The following RARB variants were observed in gnomAD, a reference collection of about 807,000 sequenced individuals.
RARB encodes the protein retinoic acid receptor beta.
In RARB, 17 loss-of-function variants were observed where a neutral mutation model predicts 51.9. The observed-to-expected ratio is 0.33, with a 90% CI of 0.22 to 0.49. RARB has a LOEUF of 0.49. Among genes scored for constraint, RARB ranks in the 20% least tolerant of loss-of-function variants. RARB has a pLI of 0.99. For missense variants in RARB, 369 were observed against 550.8 expected, an observed-to-expected ratio of 0.67 and a Z score of 3.30; for synonymous variants, 215 against 195.4, an observed-to-expected ratio of 1.10 and a Z score of -0.84.
chr3:24,963,371 T>C (rs924813790), intron 2 of RARB, among the ~76,000 whole-genome samples: 4 of 149,956 alleles, frequency 2.7e-5, no homozygotes, highest in African/African-American at 9.8e-5. Flanking sequence ...TTGTCCTTGG[T>C]CAGCTGTGCT....
chr3:25,029,958 G>A (rs1603999), intron 2 of RARB, among the ~76,000 whole-genome samples: 99,597 of 152,034 alleles, frequency 0.66, 33,119 homozygotes, highest in East Asian at 0.87. Flanking sequence ...ATTTGGGGAC[G>A]TATGGAATAT....
At chr3:25,247,614 C>A (rs1449363541) in intron 5 of RARB, among the ~76,000 whole-genome samples, 4 of 152,186 alleles carry the variant, frequency 2.6e-5, no homozygotes, top group Admixed American at 6.5e-5. Flanking sequence ...TGAGGCAATG[C>A]CCCACCCTGC....
intron 1 of RARB, among the ~76,000 whole-genome samples, chr3:24,842,437 G>C (rs1702431182): frequency 6.6e-6 from 1 of 152,100 alleles, no homozygotes; most frequent in African/African-American, 2.4e-5. Flanking sequence ...GATTTTGTGA[G>C]GAATTTGATT....
chr3:25,248,491 C>A (rs1046905221), intron 5 of RARB, among the ~76,000 whole-genome samples: 1 of 152,068 alleles, frequency 6.6e-6, no homozygotes, highest in Non-Finnish European at 1.5e-5. Context: ...GTAGTTGTAA[C>A]CATTGGACCC....
intron 3 of RARB, among the ~76,000 whole-genome samples, chr3:25,078,654 A>G (rs1413134633): frequency 1.3e-5 from 2 of 151,132 alleles, no homozygotes; most frequent in African/African-American, 4.9e-5. Context: ...CTCCTGCCTC[A>G]CCCAGTAGCT....
chr3:24,952,061 C>A (rs761925970), intron 2 of RARB, among the ~76,000 whole-genome samples: 7 of 152,120 alleles, frequency 4.6e-5, no homozygotes, highest in Non-Finnish European at 1.0e-4. Flanking sequence ...TAGCTTTCTC[C>A]ATAACTTTTC....
intron 3 of RARB, among the ~76,000 whole-genome samples, chr3:25,071,842 G>A (rs1427382715): frequency 6.6e-6 from 1 of 152,160 alleles, no homozygotes; most frequent in Non-Finnish European, 1.5e-5. Flanking sequence ...TTATTGTCAT[G>A]CTGTTGTCAA....
intron 5 of RARB, among the ~76,000 whole-genome samples, chr3:25,187,936 C>A (rs1701014686): frequency 6.6e-6 from 1 of 151,992 alleles, no homozygotes; most frequent in Non-Finnish European, 1.5e-5. Context: ...CTGAAGACAA[C>A]CTTCCTGGCT....
chr3:25,461,536 C>G (rs921654412), intron 2 of RARB, among the ~76,000 whole-genome samples, 195 bp downstream of exon 2: 1 of 152,218 alleles, frequency 6.6e-6, no homozygotes, highest in Non-Finnish European at 1.5e-5. Context: ...CTGCAAATGA[C>G]TGATGAGGGT....
At chr3:24,902,661 GTCTC>G (rs930118740) in intron 2 of RARB, among the ~76,000 whole-genome samples, 2 of 151,828 alleles carry the variant, frequency 1.3e-5, no homozygotes, top group Admixed American at 6.6e-5. Context: ...TCTGGTCTCT[GTCTC>G]TCTTTCTGTT....
At chr3:24,988,197 A>G (rs1254826754) in intron 2 of RARB, among the ~76,000 whole-genome samples, 1 of 152,194 alleles carries the variant, frequency 6.6e-6, no homozygotes, top group African/African-American at 2.4e-5. Context: ...ATATTGTTGT[A>G]TATGTAAATA....
At chr3:25,348,855 G>A (rs569396943) in intron 5 of RARB, among the ~76,000 whole-genome samples, 11 of 152,298 alleles carry the variant, frequency 7.2e-5, no homozygotes, top group African/African-American at 2.6e-4. Context: ...TCGGTCTGGG[G>A]TAGGACCCAA....
At chr3:24,902,214 C>G (rs372665780) in intron 2 of RARB, among the ~76,000 whole-genome samples, 24 of 152,142 alleles carry the variant, frequency 1.6e-4, no homozygotes, top group East Asian at 1.3e-3. Context: ...CACAGACTTA[C>G]GTGTCCCTAG....
chr3:25,512,119 A>G (rs926555719), intron 3 of RARB, among the ~76,000 whole-genome samples: 1 of 152,166 alleles, frequency 6.6e-6, no homozygotes, highest in Non-Finnish European at 1.5e-5. Flanking sequence ...AAGGAAATGA[A>G]TTAATACATG....
chr3:25,225,568 AT>A (rs1702039052), intron 5 of RARB, among the ~76,000 whole-genome samples: 1 of 152,192 alleles, frequency 6.6e-6, no homozygotes, highest in African/African-American at 2.4e-5. Context: ...ATATACCATA[AT>A]AAAAATGTTA....
intron 3 of RARB, among the ~76,000 whole-genome samples, chr3:25,555,128 G>GTGAA (rs146848147): frequency 0.027 from 4,104 of 152,208 alleles, 190 homozygotes; most frequent in African/African-American, 0.094. Context: ...AATAAAATTA[G>GTGAA]TGAATGAATG....
chr3:25,406,894 T>C (rs574237037), intron 5 of RARB, among the ~76,000 whole-genome samples: 10 of 152,300 alleles, frequency 6.6e-5, no homozygotes, highest in South Asian at 2.1e-4. Context: ...CCAAAGCATC[T>C]TGATGGCTGC....
At chr3:24,889,675 A>AGTGTGT (rs71057686) in intron 2 of RARB, among the ~76,000 whole-genome samples, 6,298 of 142,868 alleles carry the variant, frequency 0.044, 192 homozygotes, top group East Asian at 0.15. Flanking sequence ...CACCTCTTAA[A>AGTGTGT]GTGTGTGTGT....
At chr3:25,101,899 G>A (rs4858704) in intron 3 of RARB, among the ~76,000 whole-genome samples, 111,522 of 151,944 alleles carry the variant, frequency 0.73, 41,409 homozygotes, top group Admixed American at 0.81. Context: ...GCAAAAACTT[G>A]TGTCTCTTTG....
Sources: gnomAD v4.1 joint callset for allele counts (sites outside exome capture counted in the v4.1 genomes callset) on GRCh38, gnomAD v4.1.1 for gene constraint, MANE v1.5 for transcripts, NCBI Gene and HGNC (gene_info 2026-07-23, HGNC 2026-07-21) for gene names.